ORC1: variants seen among roughly 807,000 people sequenced by gnomAD.
ORC1 encodes the protein origin recognition complex, subunit 1 homolog.
A neutral mutation model predicts 98.9 loss-of-function variants in ORC1; 61 were observed. That is an observed-to-expected ratio of 0.62 (90% CI 0.50 to 0.76). The LOEUF (loss-of-function observed/expected upper bound fraction) is 0.76. Among genes scored for constraint, ORC1 ranks in the 30% least tolerant of loss-of-function variants. ORC1 has a pLI of 0.00. For missense variants in ORC1, 979 were observed against 1,072.2 expected (o/e 0.91, Z 1.21); for synonymous variants, 385 against 406.9 (o/e 0.95, Z 0.65).
upstream of ORC1, chr1:52,408,527 C>G: frequency 6.2e-7 from 1 of 1,613,406 alleles, no homozygotes; most frequent in Non-Finnish European, 8.5e-7. Context: ...AACTCAGGAA[C>G]TTCTAGGATG....
intron 6 of ORC1, among the ~76,000 whole-genome samples, chr1:52,391,989 A>G (rs1474591649): frequency 1.3e-5 from 2 of 152,192 alleles, no homozygotes; most frequent in Admixed American, 6.5e-5. Context: ...CAGCAAACAT[A>G]TGAAAAAATA....
chr1:52,402,275 T>C (rs1647750491), intron 1 of ORC1, 47 bp from the exon 2 acceptor site: 1 of 1,404,702 alleles, frequency 7.1e-7, no homozygotes, highest in South Asian at 1.2e-5. Flanking sequence ...ATATTTGGTA[T>C]TTATCTGATG....
intron 14 of ORC1, 97 bp downstream of exon 14, chr1:52,381,545 T>C: frequency 2.3e-6 from 3 of 1,298,596 alleles, no homozygotes; most frequent in Non-Finnish European, 3.3e-6. Context: ...CTTTCTAAAT[T>C]TCTCTCCAAC....
chr1:52,408,480 GT>G (rs754006957), upstream of ORC1: 2 of 1,557,820 alleles, frequency 1.3e-6, no homozygotes, highest in Non-Finnish European at 1.8e-6. Context: ...AGAAGAACAT[GT>G]TTATCCACTA....
intron 11 of ORC1, 99 bp downstream of exon 11, chr1:52,384,451 T>C: frequency 1.9e-6 from 2 of 1,057,754 alleles, no homozygotes; most frequent in Admixed American, 1.7e-5. Context: ...GCCTGGTATA[T>C]CATGAACATG....
At chr1:52,386,399 C>G (rs1252338729) in intron 8 of ORC1, among the ~76,000 whole-genome samples, 1 of 152,136 alleles carries the variant, frequency 6.6e-6, no homozygotes, top group Non-Finnish European at 1.5e-5. Flanking sequence ...TTCCATGGCC[C>G]ACGGTGCGGG....
At chr1:52,379,325 C>T (rs867127664) in intron 14 of ORC1, among the ~76,000 whole-genome samples, 2 of 150,618 alleles carry the variant, frequency 1.3e-5, no homozygotes, top group Middle Eastern at 3.3e-3. Context: ...CTCACTGCAA[C>T]CTCAGCCTCC....
At chr1:52,389,363 T>C (rs1275908900) in intron 6 of ORC1, 42 bp from the exon 7 acceptor site, 10 of 1,393,300 alleles carry the variant, frequency 7.2e-6, no homozygotes, top group Non-Finnish European at 9.2e-6. Context: ...CAGTTTTGGA[T>C]ACCAGAGTGT....
At chr1:52,375,111 G>A (rs1353279157) in intron 15 of ORC1, among the ~76,000 whole-genome samples, 1 of 152,096 alleles carries the variant, frequency 6.6e-6, no homozygotes, top group African/African-American at 2.4e-5. Flanking sequence ...AACTACATCC[G>A]GAAATACACT....
intron 3 of ORC1, among the ~76,000 whole-genome samples, chr1:52,400,220 C>G (rs1262808408): frequency 6.6e-6 from 1 of 152,148 alleles, no homozygotes; most frequent in Non-Finnish European, 1.5e-5. Flanking sequence ...CGCGCCAAGA[C>G]CAGTAGATGC....
At chr1:52,399,809 T>TCACACACACACACACA (rs111460694) in intron 3 of ORC1, among the ~76,000 whole-genome samples, 4 of 146,132 alleles carry the variant, frequency 2.7e-5, no homozygotes, top group African/African-American at 7.6e-5. Context: ...TCTGTCACTG[T>TCACACACACACACACA]CACACACACA....
intron 14 of ORC1, among the ~76,000 whole-genome samples, chr1:52,381,027 T>G (rs1225098694): frequency 1.3e-5 from 2 of 152,226 alleles, no homozygotes; most frequent in Non-Finnish European, 2.9e-5. Flanking sequence ...GAAATACTTG[T>G]GGATGTACGG....
In ORC1 at chr1:52,401,401, T is replaced by A. The variant is rs1318374818; in HGVS notation, c.184A>T (p.Asn62Tyr). 6.2e-7 allele frequency: 1 copy of A among 1,613,820 alleles called. No homozygotes were observed. The highest frequency in any genetic ancestry group is 1.7e-5 in the Admixed American group (1 of 59,976). ...TCAAGCAATTTAGCAACATACGGGT[T>A]TTCATCATCATCCCCTTCAATCAAC... Reference protein sequence around the residue: ...FVLIEGDDDENPYVAKLLELF... With the variant: ...FVLIEGDDDEYPYVAKLLELF... Residue 62 changes from asparagine (N) to tyrosine (Y), a missense_variant, in exon 3 of 17, where the codon AAC becomes TAC. Physicochemically the swap from Asn to Tyr is moderately radical, Grantham distance 143. Coordinates refer to ENST00000371568, the MANE Select transcript of ORC1 (RefSeq NM_004153.4).
At chr1:52,374,307 A>C (rs1646968548) in intron 16 of ORC1, among the ~76,000 whole-genome samples, 1 of 152,250 alleles carries the variant, frequency 6.6e-6, no homozygotes, top group Non-Finnish European at 1.5e-5. Flanking sequence ...AGATGTCTAA[A>C]ACATACATAC....
In ORC1 at chr1:52,384,619, G is replaced by A. The variant is rs777451293; in HGVS notation, c.1686C>T (p.Pro562=). The change falls in exon 11 of 17, where the codon CCC becomes CCT. Residue 562 remains proline (P), a synonymous_variant. Coordinates refer to ENST00000371568, the MANE Select transcript of ORC1 (RefSeq NM_004153.4). ...QQAAQANDVP[P]FQYIEVNGMK... ...TGCCATTGACCTCAATGTATTGAAA[G>A]GGAGGAACATCATTGGCTTGGGCTG... The A allele has an allele frequency of 6.2e-7, 1 of 1,613,940 alleles. No homozygotes were observed. Among genetic ancestry groups the A allele is most frequent in the African/African-American group, 1.3e-5 (1 of 74,914 alleles).
intron 16 of ORC1, among the ~76,000 whole-genome samples, chr1:52,373,599 T>C (rs538690174): frequency 6.6e-6 from 1 of 152,302 alleles, no homozygotes; most frequent in African/African-American, 2.4e-5. Flanking sequence ...TGCTACCATT[T>C]ACCTAAATAT....
At chr1:52,375,701 T>A in intron 14 of ORC1, 102 bp from the exon 15 acceptor site, 1 of 1,101,210 alleles carries the variant, frequency 9.1e-7, no homozygotes, top group Non-Finnish European at 1.4e-6. Context: ...GTTAAGTACT[T>A]AGCCCTGGCA....
intron 14 of ORC1, among the ~76,000 whole-genome samples, chr1:52,381,071 T>A (rs543722959): frequency 3.3e-5 from 5 of 152,320 alleles, no homozygotes; most frequent in South Asian, 2.1e-4. Context: ...GAGGCAGACA[T>A]TTAACCCACT....
chr1:52,408,280 A>T, upstream of ORC1: 1 of 502,608 alleles, frequency 2.0e-6, no homozygotes, highest in Non-Finnish European at 3.8e-6. Context: ...TGATTCTTAG[A>T]GTAATCCTGT....
Sources: allele counts gnomAD v4.1 joint callset (sites outside exome capture counted in the v4.1 genomes callset), GRCh38; gene constraint gnomAD v4.1.1; transcripts MANE v1.5; gene names NCBI Gene and HGNC (gene_info 2026-07-23, HGNC 2026-07-21).